Variants in CCDC85A observed in about 807,000 individuals in gnomAD.
The protein encoded by CCDC85A is coiled-coil domain containing 85A.
CCDC85A carries 38 observed loss-of-function variants against 50.2 expected under a neutral mutation model. The ratio of observed to expected loss-of-function variants is 0.76; its 90% confidence interval spans 0.58 to 0.99. The LOEUF (loss-of-function observed/expected upper bound fraction) is 0.99. Among genes scored for constraint, CCDC85A ranks in the 50% least tolerant of loss-of-function variants. The pLI, the probability that CCDC85A is intolerant of heterozygous loss-of-function variation, is 0.00. For missense variants in CCDC85A, 820 were observed against 742.0 expected, an observed-to-expected ratio of 1.11 and a Z score of -1.22; for synonymous variants, 366 against 301.4, an observed-to-expected ratio of 1.21 and a Z score of -2.22.
intron 2 of CCDC85A, among the ~76,000 whole-genome samples, chr2:56,320,661 C>T (rs939257528): frequency 6.6e-6 from 1 of 151,914 alleles, no homozygotes; most frequent in Admixed American, 6.6e-5. Context: ...GCCTACCAAC[C>T]AAAAAAAGTC....
intron 2 of CCDC85A, among the ~76,000 whole-genome samples, chr2:56,251,279 G>T (rs535902453): frequency 1.3e-5 from 2 of 152,274 alleles, no homozygotes; most frequent in South Asian, 4.1e-4. Context: ...CCAGTGCCTG[G>T]TATATATTAG....
chr2:56,337,494 G>T (rs2104308413), intron 2 of CCDC85A, among the ~76,000 whole-genome samples: 1 of 152,222 alleles, frequency 6.6e-6, no homozygotes, highest in East Asian at 1.9e-4. Flanking sequence ...GTACCTGCAT[G>T]TCCCTTTCTT....
intron 2 of CCDC85A, among the ~76,000 whole-genome samples, chr2:56,332,334 G>T (rs1458079575): frequency 6.6e-6 from 1 of 152,100 alleles, no homozygotes; most frequent in Non-Finnish European, 1.5e-5. Flanking sequence ...ATAAACAACA[G>T]AAATTTATTG....
intron 2 of CCDC85A, among the ~76,000 whole-genome samples, chr2:56,227,563 C>G (rs1369311581): frequency 6.6e-6 from 1 of 152,124 alleles, no homozygotes; most frequent in Non-Finnish European, 1.5e-5. Context: ...CAGGTTTATT[C>G]TCTGAAGACT....
intron 2 of CCDC85A, among the ~76,000 whole-genome samples, chr2:56,329,886 G>C (rs1458575071): frequency 7.2e-6 from 1 of 138,398 alleles, no homozygotes; most frequent in Non-Finnish European, 1.5e-5. Flanking sequence ...ATTGTCCTAA[G>C]AGAAAATAAC....
chr2:56,220,347 T>G (rs1668272722), intron 2 of CCDC85A, among the ~76,000 whole-genome samples: 1 of 152,064 alleles, frequency 6.6e-6, no homozygotes, highest in South Asian at 2.1e-4. Context: ...TTAGGATTTT[T>G]TTTAAATGAA....
intron 2 of CCDC85A, among the ~76,000 whole-genome samples, chr2:56,263,191 C>G (rs920430323): frequency 1.3e-5 from 2 of 152,158 alleles, no homozygotes; most frequent in Non-Finnish European, 2.9e-5. Flanking sequence ...AAGAGCCCAG[C>G]ACCCTTAGGA....
intron 2 of CCDC85A, among the ~76,000 whole-genome samples, chr2:56,306,773 C>T (rs1672466518): frequency 6.6e-6 from 1 of 152,040 alleles, no homozygotes; most frequent in Admixed American, 6.6e-5. Context: ...TGTGCCAGAC[C>T]TAAGCTAGAT....
At chr2:56,332,497 C>T (rs1673858559) in intron 2 of CCDC85A, among the ~76,000 whole-genome samples, 1 of 152,088 alleles carries the variant, frequency 6.6e-6, no homozygotes. Context: ...ATGAGTTAGC[C>T]ATCTCTTAAG....
intron 2 of CCDC85A, among the ~76,000 whole-genome samples, chr2:56,229,957 A>T (rs1284622457): frequency 6.6e-6 from 1 of 152,120 alleles, no homozygotes; most frequent in African/African-American, 2.4e-5. Context: ...TCACTGGGAA[A>T]ATTTGTTTCT....
Position 56,267,169 on chromosome 2 carries a change from G to A in CCDC85A, c.1240+73729G>A, listed in dbSNP as rs79396342. The stretch of plus-strand genomic sequence containing the variant: ...GTTCTAAAATGGAACAATTTTCACT[G>A]GCCCTAAAAATAGCAATTAACTCCT... On this transcript the variant is annotated intron_variant, in intron 2 of 5. Coordinates refer to ENST00000407595, the MANE Select transcript of CCDC85A (RefSeq NM_001080433.2). Among the ~76,000 whole-genome samples, 625 of 152,074 alleles carry A rather than the reference G, an allele frequency of 4.1e-3. 5 individuals are homozygous for A. The highest frequency in any genetic ancestry group is 0.01 in the African/African-American group (419 of 41,472).
intron 2 of CCDC85A, among the ~76,000 whole-genome samples, chr2:56,337,426 A>T (rs1674128531): frequency 6.6e-6 from 1 of 152,180 alleles, no homozygotes; most frequent in South Asian, 2.1e-4. Context: ...GATTATCGTG[A>T]TTTGATATTT....
chr2:56,313,147 T>C (rs1262394484), intron 2 of CCDC85A, among the ~76,000 whole-genome samples: 1 of 152,174 alleles, frequency 6.6e-6, no homozygotes, highest in Non-Finnish European at 1.5e-5. Flanking sequence ...TCATGGCTGT[T>C]ACTCTTTGTA....
At chr2:56,238,879 A>C (rs1669136683) in intron 2 of CCDC85A, among the ~76,000 whole-genome samples, 1 of 152,186 alleles carries the variant, frequency 6.6e-6, no homozygotes. Flanking sequence ...CCTTAGTTAT[A>C]TGGGTCTGCG....
chr2:56,328,906 C>T (rs1005645661), intron 2 of CCDC85A, among the ~76,000 whole-genome samples: 1 of 152,220 alleles, frequency 6.6e-6, no homozygotes, highest in African/African-American at 2.4e-5. Context: ...TCTTTTCTCT[C>T]TGGGTGCCAT....
In CCDC85A at chr2:56,192,211, G is replaced by C. The variant is rs938517127; in HGVS notation, c.277-266G>C. On this transcript the variant is annotated intron_variant, in intron 1 of 5. Coordinates refer to ENST00000407595, the MANE Select transcript of CCDC85A (RefSeq NM_001080433.2). This position sits in a 1 kb window ranked among gnomAD's most constrained non-coding sequence, Gnocchi z 4.7. ...TACTTAAGTTAGTTTAATTTTTATG[G>C]CCATACTAATTATTATCCCCTAAAT... Among the ~76,000 whole-genome samples the C allele has an allele frequency of 6.6e-6, 1 of 152,116 alleles. No individual in the cohort carries two copies. The highest frequency in any genetic ancestry group is 1.5e-5 in the Non-Finnish European group (1 of 68,030).
At position 56,276,109 on chromosome 2, in the gene CCDC85A, G is replaced by A. The variant is rs79321429; in HGVS notation, c.1241-66770G>A. On this transcript the variant is annotated intron_variant, in intron 2 of 5. Coordinates refer to ENST00000407595, the MANE Select transcript of CCDC85A (RefSeq NM_001080433.2). ...ATTTTACATCACATGAAATAGATTT[G>A]GGGCGTCTCCCCTCCTTATATTCCT... Among the ~76,000 whole-genome samples the A allele has an allele frequency of 6.6e-5, 10 of 152,152 alleles. No individual in the cohort carries two copies. In the East Asian group the frequency reaches 1.7e-3, roughly 26 times the overall value.
chr2:56,322,968 A>T (rs76309545), intron 2 of CCDC85A, among the ~76,000 whole-genome samples: 1 of 152,132 alleles, frequency 6.6e-6, no homozygotes, highest in African/African-American at 2.4e-5. Flanking sequence ...GCAGCCATAA[A>T]AAAGGATGAG....
At position 56,221,883 on chromosome 2, in the gene CCDC85A, G is replaced by A. The variant is rs2103908855; in HGVS notation, c.1240+28443G>A. Among the ~76,000 whole-genome samples the A allele has an allele frequency of 2.6e-5, 4 of 152,164 alleles. No homozygotes were observed. In the Middle Eastern group the frequency reaches 0.014, roughly 518 times the overall value. Reference sequence around the variant, plus strand: ...TTATTTCTTACACTTCTGGAGGCTGGGAAGTCCAAGAGCGTGGCACTGGTA... The same window carrying A: ...TTATTTCTTACACTTCTGGAGGCTGAGAAGTCCAAGAGCGTGGCACTGGTA... On this transcript the variant is annotated intron_variant, in intron 2 of 5. Coordinates refer to ENST00000407595, the MANE Select transcript of CCDC85A (RefSeq NM_001080433.2).
Sources: gnomAD v4.1 joint callset for allele counts (sites outside exome capture counted in the v4.1 genomes callset) on GRCh38, gnomAD v4.1.1 for gene constraint, Gnocchi (gnomAD v3.1) non-coding constraint, MANE v1.5 for transcripts, NCBI Gene and HGNC (gene_info 2026-07-23, HGNC 2026-07-21) for gene names.